The following STXBP4 variants were observed in gnomAD, a reference collection of about 807,000 sequenced individuals.
The protein encoded by STXBP4 is syntaxin binding protein 4, also known as syntaxin-binding protein 4.
In STXBP4, 55 loss-of-function variants were observed where a neutral mutation model predicts 76.1. That is an observed-to-expected ratio of 0.72 (90% CI 0.58 to 0.91). The LOEUF (loss-of-function observed/expected upper bound fraction) is 0.91. Ranked by LOEUF, STXBP4 falls within the 40% of genes least tolerant of loss-of-function variation. The pLI, the probability that STXBP4 is intolerant of heterozygous loss-of-function variation, is 0.00. For missense variants in STXBP4, 618 were observed against 636.9 expected (o/e 0.97, Z 0.32); for synonymous variants, 201 against 220.2 (o/e 0.91, Z 0.77).
At chr17:55,148,566 T>G (rs577845218) in intron 17 of STXBP4, among the ~76,000 whole-genome samples, 2 of 151,992 alleles carry the variant, frequency 1.3e-5, no homozygotes, top group Non-Finnish European at 2.9e-5. Context: ...TGAGACGAAG[T>G]CTCGCTCTGT....
chr17:55,186,741 A>G, the STXBP4 span, among the ~76,000 whole-genome samples: 1 of 152,212 alleles, frequency 6.6e-6, no homozygotes, highest in Non-Finnish European at 1.5e-5. Flanking sequence ...ATCTTTTGCC[A>G]GTTGATTATC....
At chr17:55,094,749 C>T (rs866149340) in intron 16 of STXBP4, among the ~76,000 whole-genome samples, 5 of 152,024 alleles carry the variant, frequency 3.3e-5, no homozygotes, top group Admixed American at 6.6e-5. Flanking sequence ...CCTTAAAAAG[C>T]GCTGAAATTC....
chr17:55,089,115 A>G (rs1185599524), intron 16 of STXBP4, among the ~76,000 whole-genome samples: 1 of 152,214 alleles, frequency 6.6e-6, no homozygotes, highest in South Asian at 2.1e-4. Context: ...TCAAAGTGGC[A>G]GGATTGAAAG....
At chr17:55,022,007 TTCATGGCAA>T (rs2078321402) in intron 8 of STXBP4, among the ~76,000 whole-genome samples, 1 of 152,086 alleles carries the variant, frequency 6.6e-6, no homozygotes, top group Admixed American at 6.5e-5. Flanking sequence ...TAGTGAAAAA[TTCATGGCAA>T]TCAATAGGAG....
At chr17:55,038,596 A>G (rs2144719435) in intron 10 of STXBP4, among the ~76,000 whole-genome samples, 1 of 152,004 alleles carries the variant, frequency 6.6e-6, no homozygotes, top group African/African-American at 2.4e-5. Flanking sequence ...CTGTGAGTCT[A>G]ATCATCATTG....
At position 55,009,775 on chromosome 17, in the gene STXBP4, G is replaced by A. The variant is rs73990259; in HGVS notation, c.666+2178G>A. Among the ~76,000 whole-genome samples, 1,117 of 151,256 alleles carry A rather than the reference G, an allele frequency of 7.4e-3. 16 individuals are homozygous for A. Among genetic ancestry groups the A allele is most frequent in the African/African-American group, 0.025 (1,049 of 41,184 alleles). Reference sequence around the variant, plus strand: ...TATATTTCTCTTAATAACTTTTTTCGTGAAATCTACATTAGCATCTATCCA... The same window carrying A: ...TATATTTCTCTTAATAACTTTTTTCATGAAATCTACATTAGCATCTATCCA... On this transcript the variant is annotated intron_variant, in intron 8 of 17. Coordinates refer to ENST00000376352, the MANE Select transcript of STXBP4 (RefSeq NM_178509.6).
chr17:54,985,191 C>G (rs555748449), intron 1 of STXBP4, among the ~76,000 whole-genome samples: 1 of 152,252 alleles, frequency 6.6e-6, no homozygotes, highest in South Asian at 2.1e-4. Flanking sequence ...GTGAAATCAT[C>G]GCCACAATCA....
intron 12 of STXBP4, among the ~76,000 whole-genome samples, chr17:55,061,546 C>T (rs1203019383): frequency 6.6e-6 from 1 of 152,118 alleles, no homozygotes; most frequent in Non-Finnish European, 1.5e-5. Flanking sequence ...TTCAGATAGT[C>T]ACTGTGGCCT....
chr17:55,072,805 G>C, intron 12 of STXBP4, 95 bp from the exon 13 acceptor site: 3 of 1,043,224 alleles, frequency 2.9e-6, no homozygotes, highest in Non-Finnish European at 4.0e-6. Context: ...TGACTTTTTG[G>C]AATTATAACT....
the STXBP4 span, among the ~76,000 whole-genome samples, chr17:55,198,487 T>C: frequency 3.3e-5 from 5 of 152,230 alleles, no homozygotes; most frequent in East Asian, 9.7e-4. Flanking sequence ...AAAAAAAAAG[T>C]TTTATTTTGA....
At chr17:55,011,488 A>T (rs1340066840) in intron 8 of STXBP4, among the ~76,000 whole-genome samples, 2 of 111,470 alleles carry the variant, frequency 1.8e-5, no homozygotes, top group Non-Finnish European at 3.6e-5. Flanking sequence ...TTGTGGGATC[A>T]AAGAGTTTAT....
chr17:55,093,645 A>G (rs541849267), intron 16 of STXBP4, among the ~76,000 whole-genome samples: 1 of 152,346 alleles, frequency 6.6e-6, no homozygotes, highest in South Asian at 2.1e-4. Flanking sequence ...AAATATATCA[A>G]ATTTAATCTT....
At chr17:54,977,283 G>A (rs889073058) in intron 1 of STXBP4, among the ~76,000 whole-genome samples, 5 of 152,128 alleles carry the variant, frequency 3.3e-5, no homozygotes, top group Admixed American at 1.3e-4. Flanking sequence ...ATCAGTATCC[G>A]CAGGTTCCAC....
intron 8 of STXBP4, among the ~76,000 whole-genome samples, chr17:55,008,874 GT>G (rs1238638609): frequency 6.6e-6 from 1 of 152,140 alleles, no homozygotes; most frequent in Non-Finnish European, 1.5e-5. Context: ...GGCTTCTGCT[GT>G]TTTCTTGCAC....
the STXBP4 span, among the ~76,000 whole-genome samples, chr17:55,208,578 G>GAAGGAAGGAAGGAAGGAAGGAAGGA: frequency 6.5e-4 from 8 of 12,394 alleles, no homozygotes; most frequent in African/African-American, 4.7e-3. Flanking sequence ...AGGGAGGGAA[G>GAAGGAAGGAAGGAAGGAAGGAAGGA]AAGGAAGGAA....
rs777421639 is a variant in STXBP4 at position 55,072,945 on chromosome 17, A to T, written c.1057A>T (p.Ile353Phe). 1 of 1,613,808 alleles carries T rather than the reference A, an allele frequency of 6.2e-7. No individual in the cohort carries two copies. Among genetic ancestry groups the T allele is most frequent in the Non-Finnish European group, 8.5e-7 (1 of 1,179,862 alleles). ...AGAAACAAGAGCCCTGCGTAGTCGG[A>T]TTCATCTTGCTGAAGCTGCTCAGAG... ...VEETRALRSR[I>F]HLAEAAQRQA... Residue 353 changes from isoleucine (I) to phenylalanine (F), a missense_variant, in exon 13 of 18, where the codon ATT becomes TTT. Physicochemically the swap from Ile to Phe is conservative, Grantham distance 21 (BLOSUM62 0). Transcript: ENST00000376352.
chr17:55,202,928 A>G, the STXBP4 span, among the ~76,000 whole-genome samples: 2 of 152,146 alleles, frequency 1.3e-5, no homozygotes, highest in Non-Finnish European at 2.9e-5. Context: ...TTCAGCATTC[A>G]TGTCTCCAGA....
At chr17:55,051,081 C>A (rs756153526) in intron 12 of STXBP4, among the ~76,000 whole-genome samples, 3 of 152,072 alleles carry the variant, frequency 2.0e-5, no homozygotes, top group Non-Finnish European at 4.4e-5. Context: ...ATAAACTACA[C>A]AGCAATGAAA....
At chr17:55,140,074 TGGGA>T (rs1290045904) in intron 16 of STXBP4, among the ~76,000 whole-genome samples, 2 of 151,872 alleles carry the variant, frequency 1.3e-5, no homozygotes, top group African/African-American at 4.8e-5. Context: ...GAGGCCAAAG[TGGGA>T]GGGTCACTTG....
Sources: gnomAD v4.1 joint callset for allele counts (sites outside exome capture counted in the v4.1 genomes callset) on GRCh38, gnomAD v4.1.1 for gene constraint, MANE v1.5 for transcripts, NCBI Gene and HGNC (gene_info 2026-07-23, HGNC 2026-07-21) for gene names.